The following CADPS variants were observed in gnomAD, a reference collection of about 807,000 sequenced individuals.
The protein encoded by CADPS is calcium-dependent secretion activator 1.
A neutral mutation model predicts 167.3 loss-of-function variants in CADPS; 57 were observed. The observed-to-expected ratio is 0.34, with a 90% CI of 0.28 to 0.42. CADPS has a LOEUF of 0.42. Among genes scored for constraint, CADPS ranks in the 20% least tolerant of loss-of-function variants. The pLI is 1.00. For missense variants in CADPS, 1,414 were observed against 1,738.1 expected (o/e 0.81, Z 3.32); for synonymous variants, 676 against 635.3 (o/e 1.06, Z -0.96).
chr3:62,410,516 TGA>T (rs1408155333), intron 28 of CADPS, among the ~76,000 whole-genome samples: 1 of 152,236 alleles, frequency 6.6e-6, no homozygotes, highest in Non-Finnish European at 1.5e-5. Context: ...CTTAAAATTC[TGA>T]GAGGCAGTGC....
intron 1 of CADPS, among the ~76,000 whole-genome samples, chr3:62,869,317 C>G (rs994118213): frequency 1.3e-5 from 2 of 152,064 alleles, no homozygotes; most frequent in Non-Finnish European, 2.9e-5. Flanking sequence ...AGTCTCTTCA[C>G]TTACATGAAC....
intron 3 of CADPS, among the ~76,000 whole-genome samples, chr3:62,730,316 A>C (rs192499872): frequency 1.3e-5 from 2 of 152,194 alleles, no homozygotes; most frequent in Non-Finnish European, 2.9e-5. Flanking sequence ...ATAGAAGGTT[A>C]TGCTACTGGT....
chr3:62,543,107 G>A (rs543394049), intron 11 of CADPS, among the ~76,000 whole-genome samples: 30 of 152,182 alleles, frequency 2.0e-4, no homozygotes, highest in African/African-American at 4.8e-4. Context: ...ATCAAATCAT[G>A]GTGTTTGGAA....
intron 6 of CADPS, among the ~76,000 whole-genome samples, chr3:62,599,745 A>ACTATATATATTGTATATATAATAT (rs1562709133): frequency 4.1e-5 from 1 of 24,452 alleles, no homozygotes. Context: ...TAATATATAT[A>ACTATATATATTGTATATATAATAT]ATCTATTATA....
chr3:62,711,820 T>G (rs763647111), intron 3 of CADPS, among the ~76,000 whole-genome samples: 1 of 152,252 alleles, frequency 6.6e-6, no homozygotes, highest in South Asian at 2.1e-4. Flanking sequence ...AAGAGCTATA[T>G]GCATGACTGA....
chr3:62,650,520 C>G (rs1428217405), intron 5 of CADPS, among the ~76,000 whole-genome samples: 2 of 152,172 alleles, frequency 1.3e-5, no homozygotes, highest in African/African-American at 4.8e-5. Flanking sequence ...TAGCTTGCCT[C>G]TCTTATAACT....
At position 62,538,458 on chromosome 3, in the gene CADPS, A is replaced by G. The variant is rs181340410; in HGVS notation, c.1967-1877T>C. ...CCTCCAACCTGTCAGTCCCAGATCA[A>G]TTTAACTCAGGAGAAACTAAGCATG... On this transcript the variant is annotated intron_variant, in intron 11 of 29. Coordinates refer to ENST00000383710, the MANE Select transcript of CADPS (RefSeq NM_003716.4). 1.2e-3 allele frequency among the ~76,000 whole-genome samples: 178 copies of G among 152,228 alleles called. 2 individuals carry two copies. The highest frequency in any genetic ancestry group is 4.0e-3 in the African/African-American group (166 of 41,562).
intron 2 of CADPS, among the ~76,000 whole-genome samples, chr3:62,762,694 G>C (rs1166734582): frequency 6.6e-6 from 1 of 151,042 alleles, no homozygotes; most frequent in Non-Finnish European, 1.5e-5. Context: ...GGGAGGATGT[G>C]CATAGGTTAT....
chr3:62,562,457 T>C (rs1228928905), intron 9 of CADPS, among the ~76,000 whole-genome samples: 1 of 152,242 alleles, frequency 6.6e-6, no homozygotes, highest in Non-Finnish European at 1.5e-5. Context: ...TAAATGGGGA[T>C]GATGATAACA....
At chr3:62,724,272 C>T (rs765811178) in intron 3 of CADPS, among the ~76,000 whole-genome samples, 2 of 152,136 alleles carry the variant, frequency 1.3e-5, no homozygotes, top group South Asian at 2.1e-4. Context: ...CACATGTCTA[C>T]GAGCTTTTAT....
intron 9 of CADPS, among the ~76,000 whole-genome samples, chr3:62,565,226 T>C (rs2079931723): frequency 6.6e-6 from 1 of 152,210 alleles, no homozygotes; most frequent in Non-Finnish European, 1.5e-5. Flanking sequence ...CCTTGATCTC[T>C]GGGTTAGGGT....
At chr3:62,541,608 C>A (rs1028853318) in intron 11 of CADPS, among the ~76,000 whole-genome samples, 8 of 152,128 alleles carry the variant, frequency 5.3e-5, no homozygotes. Flanking sequence ...TTTGGCTTGA[C>A]ATTTAAGGAA....
At chr3:62,621,614 G>C (rs1465659688) in intron 6 of CADPS, among the ~76,000 whole-genome samples, 1 of 151,890 alleles carries the variant, frequency 6.6e-6, no homozygotes, top group Non-Finnish European at 1.5e-5. Context: ...TAAGTTCAGG[G>C]GTATATGTTC....
chr3:62,771,454 A>C (rs144709975), intron 1 of CADPS, among the ~76,000 whole-genome samples: 3,456 of 152,254 alleles, frequency 0.023, 64 homozygotes, highest in South Asian at 0.061. Flanking sequence ...CAGAGTTTGT[A>C]TCTGGTTAAA....
At chr3:62,832,527 A>G (rs937620909) in intron 1 of CADPS, among the ~76,000 whole-genome samples, 4 of 152,236 alleles carry the variant, frequency 2.6e-5, no homozygotes, top group African/African-American at 9.6e-5. Flanking sequence ...TCATTCCACC[A>G]GAGGAAATTG....
At position 62,818,794 on chromosome 3, in the gene CADPS, GAATA is replaced by G. The variant is rs575432085; in HGVS notation, c.442-52814_442-52811del. Reference sequence around the variant, plus strand: ...ACAGCCAAAATGTCCATCAAAAGGAGAATAGATACGTAAATTGTGTTATAGCCAA... The same window carrying G: ...ACAGCCAAAATGTCCATCAAAAGGAGGATACGTAAATTGTGTTATAGCCAA... On this transcript the variant is annotated intron_variant, in intron 1 of 29. Transcript: ENST00000383710. Among the ~76,000 whole-genome samples the G allele has an allele frequency of 3.1e-3, 467 of 152,242 alleles. 2 individuals are homozygous for G. Among genetic ancestry groups the G allele is most frequent in the Non-Finnish European group, 4.3e-3 (290 of 68,010 alleles).
At chr3:62,793,988 C>G (rs1201082600) in intron 1 of CADPS, among the ~76,000 whole-genome samples, 1 of 152,146 alleles carries the variant, frequency 6.6e-6, no homozygotes, top group East Asian at 1.9e-4. Flanking sequence ...GCTTCCAACT[C>G]AATTATCCCT....
chr3:62,782,671 C>T (rs961771565), intron 1 of CADPS, among the ~76,000 whole-genome samples: 2 of 151,970 alleles, frequency 1.3e-5, no homozygotes, highest in Non-Finnish European at 2.9e-5. Flanking sequence ...GGGGGCTAAA[C>T]CCTGGATCAG....
At position 62,445,777 on chromosome 3, in the gene CADPS, A is replaced by G. The variant is rs765374499; in HGVS notation, c.3657T>C (p.Tyr1219=). Residue 1219 remains tyrosine (Y), a synonymous_variant, in exon 27 of 30, where the codon TAT becomes TAC. Coordinates refer to ENST00000383710, the MANE Select transcript of CADPS (RefSeq NM_003716.4). ...TTCAAATACTCACAGGTACATCCAC[A>G]TATTTGGAAGCTGCCTTCACCTAAA... is the stretch of plus-strand genomic sequence containing the variant. ...LSFTVKAASK[Y]VDVPKPGMDV... is the part of the protein sequence containing the mutation. 5 of 1,523,568 alleles carry G rather than the reference A, an allele frequency of 3.3e-6. No homozygotes were observed. Among genetic ancestry groups the G allele is most frequent in the South Asian group, 1.3e-5 (1 of 75,814 alleles). The allele number at this position is 1,523,568 out of a possible 1,614,324, so 94.4% of individuals were successfully genotyped here.
Sources: gnomAD v4.1 joint callset for allele counts (sites outside exome capture counted in the v4.1 genomes callset) on GRCh38, gnomAD v4.1.1 for gene constraint, MANE v1.5 for transcripts, NCBI Gene and HGNC (gene_info 2026-07-23, HGNC 2026-07-21) for gene names.